RGS7BP: variants seen among roughly 807,000 people sequenced by gnomAD.
RGS7BP encodes regulator of G protein signaling 7-binding protein.
In RGS7BP, 9 loss-of-function variants were observed where a neutral mutation model predicts 31.3. The observed-to-expected ratio is 0.29, with a 90% CI of 0.17 to 0.50. The LOEUF (loss-of-function observed/expected upper bound fraction) is 0.50. Among genes scored for constraint, RGS7BP ranks in the 20% least tolerant of loss-of-function variants. RGS7BP has a pLI of 0.98. For synonymous variants in RGS7BP, 115 were observed against 120.1 expected (o/e 0.96, Z 0.28); for missense variants, 274 against 322.0 (o/e 0.85, Z 1.14).
intron 3 of RGS7BP, among the ~76,000 whole-genome samples, chr5:64,576,479 G>A (rs1017805707): frequency 1.3e-5 from 2 of 152,202 alleles, no homozygotes; most frequent in Non-Finnish European, 2.9e-5. Context: ...CCTTCTGGGT[G>A]TTGGCTTTAC....
chr5:64,549,973 G>A (rs956832365), intron 2 of RGS7BP, among the ~76,000 whole-genome samples: 1 of 152,058 alleles, frequency 6.6e-6, no homozygotes, highest in East Asian at 1.9e-4. Context: ...CACAAAACAC[G>A]AGAAAACAGT....
At chr5:64,523,959 G>A (rs919158879) in intron 2 of RGS7BP, among the ~76,000 whole-genome samples, 2 of 152,118 alleles carry the variant, frequency 1.3e-5, no homozygotes, top group Non-Finnish European at 2.9e-5. Flanking sequence ...TAGCCTGTCA[G>A]GTATATAACA....
intron 3 of RGS7BP, among the ~76,000 whole-genome samples, 190 bp downstream of exon 3, chr5:64,576,094 CTGAT>C (rs1407675171): frequency 2.0e-5 from 3 of 152,154 alleles, no homozygotes; most frequent in Non-Finnish European, 2.9e-5. Flanking sequence ...TGTACTAACA[CTGAT>C]TGTTTTGAAC....
At chr5:64,521,184 G>C (rs957800135) in intron 2 of RGS7BP, among the ~76,000 whole-genome samples, 1 of 152,156 alleles carries the variant, frequency 6.6e-6, no homozygotes, top group African/African-American at 2.4e-5. Flanking sequence ...TTTTGGCATG[G>C]AATTCTTATT....
chr5:64,575,341 C>T (rs1742391362), intron 2 of RGS7BP, among the ~76,000 whole-genome samples: 1 of 152,116 alleles, frequency 6.6e-6, no homozygotes, highest in Non-Finnish European at 1.5e-5. Context: ...TCTCTAATCA[C>T]ATTATACTAG....
rs150557058 is a variant in RGS7BP, at chr5:64,534,657, G to C, written c.332+26780G>C. ...GTGAGGTACCCTTTGGCAGATGAGAGAGCAAAAAATCAAAAGCTGTGTTTG... is the reference window on the plus strand; with the variant it reads ...GTGAGGTACCCTTTGGCAGATGAGACAGCAAAAAATCAAAAGCTGTGTTTG... On this transcript the variant is annotated intron_variant, in intron 2 of 5. Coordinates refer to ENST00000334025, the MANE Select transcript of RGS7BP (RefSeq NM_001029875.3). 1.6e-4 allele frequency among the ~76,000 whole-genome samples: 25 copies of C among 152,202 alleles called. 1 individual carries two copies.
At chr5:64,607,409 A>G (rs892785545) in intron 5 of RGS7BP, among the ~76,000 whole-genome samples, 2 of 152,124 alleles carry the variant, frequency 1.3e-5, no homozygotes, top group African/African-American at 4.8e-5. Context: ...GTAGGAAGAC[A>G]TAAGACATTA....
intron 2 of RGS7BP, among the ~76,000 whole-genome samples, chr5:64,564,658 C>T (rs917667971): frequency 6.6e-6 from 1 of 152,130 alleles, no homozygotes; most frequent in African/African-American, 2.4e-5. Flanking sequence ...CAAGCATTTG[C>T]TGCCTGCAGA....
chr5:64,600,075 C>T (rs562381727), intron 5 of RGS7BP, among the ~76,000 whole-genome samples: 18 of 152,158 alleles, frequency 1.2e-4, no homozygotes, highest in Admixed American at 2.6e-4. Flanking sequence ...CAACAGACCA[C>T]GTGTAGTGTA....
chr5:64,514,160 T>C (rs12658712), intron 2 of RGS7BP, among the ~76,000 whole-genome samples: 43,299 of 152,082 alleles, frequency 0.28, 7,106 homozygotes, highest in East Asian at 0.69. Context: ...GCATCCATGT[T>C]CAAATTCCTC....
chr5:64,550,003 C>T (rs1313743521), intron 2 of RGS7BP, among the ~76,000 whole-genome samples: 2 of 152,160 alleles, frequency 1.3e-5, no homozygotes, highest in Non-Finnish European at 2.9e-5. Context: ...TTTTTTGTTA[C>T]TTTATAACAA....
intron 2 of RGS7BP, among the ~76,000 whole-genome samples, chr5:64,538,983 AGTTT>A (rs1321835168): frequency 5.3e-5 from 8 of 152,052 alleles, no homozygotes; most frequent in East Asian, 3.9e-4. Flanking sequence ...GCTGTGCCCC[AGTTT>A]GTTTATCTAT....
chr5:64,506,559 C>T lies in RGS7BP; in HGVS notation c.-66C>T. ...GGCTGCTTGGCGGCGGCGCCCAGGG[C>T]AACAACCGGGCCGCCCGCGCCGGGG... On this transcript the variant is annotated 5_prime_UTR_variant, in exon 1 of 6. Coordinates refer to ENST00000334025, the MANE Select transcript of RGS7BP (RefSeq NM_001029875.3). The surrounding 1 kb of genome is among the most constrained non-coding windows in gnomAD (Gnocchi z 4.6). 3.4e-6 allele frequency: 5 copies of T among 1,466,100 alleles called. No homozygotes were observed. The highest frequency in any genetic ancestry group is 4.6e-6 in the Non-Finnish European group (5 of 1,078,934). The allele number at this position is 1,466,100 out of a possible 1,614,324, so 90.8% of individuals were successfully genotyped here. A position where few individuals can be genotyped will look rare whatever the true frequency, so the allele number is the denominator to read the frequency against.
At chr5:64,559,819 C>G (rs560475705) in intron 2 of RGS7BP, among the ~76,000 whole-genome samples, 54 of 152,206 alleles carry the variant, frequency 3.5e-4, no homozygotes, top group African/African-American at 1.3e-3. Flanking sequence ...CATATATGTG[C>G]ATTTATTTGG....
intron 3 of RGS7BP, among the ~76,000 whole-genome samples, chr5:64,585,212 G>A (rs1046433195): frequency 1.3e-5 from 2 of 152,104 alleles, no homozygotes; most frequent in African/African-American, 2.4e-5. Flanking sequence ...AAGGATGTAG[G>A]AAATTTACTC....
chr5:64,554,331 G>A (rs952202151), intron 2 of RGS7BP, among the ~76,000 whole-genome samples: 4 of 152,128 alleles, frequency 2.6e-5, no homozygotes, highest in Admixed American at 6.5e-5. Flanking sequence ...CTCATCCTTC[G>A]TAGTGACAGC....
intron 2 of RGS7BP, among the ~76,000 whole-genome samples, chr5:64,525,573 C>T (rs1414367355): frequency 6.6e-6 from 1 of 152,208 alleles, no homozygotes; most frequent in Non-Finnish European, 1.5e-5. Flanking sequence ...TTAATCCTTT[C>T]TAACACCTCT....
intron 2 of RGS7BP, among the ~76,000 whole-genome samples, chr5:64,509,289 AG>A (rs1748769228): frequency 6.6e-6 from 1 of 152,184 alleles, no homozygotes. Flanking sequence ...GATTTAGGAC[AG>A]GAAATTTTCT....
At chr5:64,609,110 C>T in intron 5 of RGS7BP, 51 bp from the exon 6 acceptor site, 1 of 1,135,594 alleles carries the variant, frequency 8.8e-7, no homozygotes. Flanking sequence ...TCCTAAAAAG[C>T]AGGTTGTTGT....
Sources: allele counts gnomAD v4.1 joint callset (sites outside exome capture counted in the v4.1 genomes callset), GRCh38; gene constraint gnomAD v4.1.1; non-coding constraint Gnocchi (gnomAD v3.1); transcripts MANE v1.5; gene names NCBI Gene and HGNC (gene_info 2026-07-23, HGNC 2026-07-21).